Variants in NLN observed in about 807,000 individuals in gnomAD.
The protein encoded by NLN is neurolysin, mitochondrial.
NLN carries 64 observed loss-of-function variants against 79.9 expected under a neutral mutation model. The ratio of observed to expected loss-of-function variants is 0.80; its 90% CI spans 0.65 to 0.99. The LOEUF is 0.99. Among genes scored for constraint, NLN ranks in the 50% least tolerant of loss-of-function variants. The probability of loss-of-function intolerance (pLI) is 0.00; values close to 1 mark genes in which losing one functional copy is unlikely to be tolerated. For missense variants in NLN, 835 were observed against 858.7 expected, an observed-to-expected ratio of 0.97 and a Z score of 0.34; for synonymous variants, 267 against 296.6, an observed-to-expected ratio of 0.90 and a Z score of 1.02.
intron 3 of NLN, among the ~76,000 whole-genome samples, chr5:65,767,480 G>A (rs1472383239): frequency 2.0e-5 from 3 of 152,200 alleles, no homozygotes; most frequent in African/African-American, 7.2e-5. Flanking sequence ...AAGGAGGGGG[G>A]AGCACAAAAC....
intron 12 of NLN, among the ~76,000 whole-genome samples, chr5:65,822,339 A>G (rs1015665023): frequency 6.6e-6 from 1 of 152,204 alleles, no homozygotes; most frequent in Admixed American, 6.5e-5. Context: ...GAATGAGCCC[A>G]TCATAAAAGC....
At chr5:65,785,748 T>G in intron 6 of NLN, 27 bp from the exon 7 acceptor site, 2 of 1,602,718 alleles carry the variant, frequency 1.2e-6, no homozygotes, top group Non-Finnish European at 1.7e-6. Context: ...GATTAGCCTT[T>G]ATTTTGTTGC....
chr5:65,817,735 A>G (rs1579974275), intron 12 of NLN, among the ~76,000 whole-genome samples: 1 of 152,244 alleles, frequency 6.6e-6, no homozygotes, highest in Non-Finnish European at 1.5e-5. Context: ...CTGTAATGCC[A>G]TAAGGAAGGA....
At chr5:65,781,986 C>T (rs1233271314) in intron 6 of NLN, among the ~76,000 whole-genome samples, 2 of 152,200 alleles carry the variant, frequency 1.3e-5, no homozygotes, top group Non-Finnish European at 2.9e-5. Context: ...CCTCCCCCAA[C>T]ACTCCCAGTG....
chr5:65,810,018 A>G lies in NLN; in HGVS notation c.1715-19A>G, dbSNP rs1409139988. The G allele has an allele frequency of 6.2e-7, 1 of 1,611,946 alleles. No homozygotes were observed. The highest frequency in any genetic ancestry group is 8.5e-7 in the Non-Finnish European group (1 of 1,178,932). Reference sequence around the variant, plus strand: ...TTCTGTCTTCTTCAAAACATGCCCAAACATTCTTATGTTATTAGGTCTTCT... The same window carrying G: ...TTCTGTCTTCTTCAAAACATGCCCAGACATTCTTATGTTATTAGGTCTTCT... On this transcript the variant is annotated intron_variant, in intron 10 of 12. Transcript: ENST00000380985.
chr5:65,762,521 C>CA (rs1759359899), intron 2 of NLN, among the ~76,000 whole-genome samples: 1 of 151,856 alleles, frequency 6.6e-6, no homozygotes, highest in Non-Finnish European at 1.5e-5. Flanking sequence ...TGCAGCTCTA[C>CA]AAAAAAATAT....
intron 3 of NLN, among the ~76,000 whole-genome samples, chr5:65,776,495 T>C (rs1212334648): frequency 6.6e-6 from 1 of 152,200 alleles, no homozygotes; most frequent in East Asian, 1.9e-4. Flanking sequence ...GGGTCTGTCA[T>C]GGAGAGAATC....
At chr5:65,761,291 A>T (rs536466211) in intron 2 of NLN, among the ~76,000 whole-genome samples, 53 of 151,184 alleles carry the variant, frequency 3.5e-4, no homozygotes, top group African/African-American at 1.2e-3. Context: ...TTATTTTTTT[A>T]TTATTATTAT....
chr5:65,755,065 C>A (rs34981), intron 1 of NLN, among the ~76,000 whole-genome samples: 4 of 151,864 alleles, frequency 2.6e-5, no homozygotes, highest in Admixed American at 1.3e-4. Context: ...CTGACTACTC[C>A]CATTTTACTG....
In NLN at chr5:65,728,382, A is replaced by C. The variant is rs983864672; in HGVS notation, c.41+5968A>C. 2.6e-5 allele frequency among the ~76,000 whole-genome samples: 4 copies of C among 152,086 alleles called. No homozygotes were observed. The South Asian group carries it at 8.3e-4, about 32-fold the overall frequency. ...CCTTTAGAAATGTCAACTATTCCCAACTTCCTGCAATGAGTAATAGTGCTT... is the reference window on the plus strand; with the variant it reads ...CCTTTAGAAATGTCAACTATTCCCACCTTCCTGCAATGAGTAATAGTGCTT... On this transcript the variant is annotated intron_variant, in intron 1 of 12. Transcript: ENST00000380985.
In NLN at chr5:65,744,696, C is replaced by G. The variant is rs571305539; in HGVS notation, c.42-13871C>G. On this transcript the variant is annotated intron_variant, in intron 1 of 12. Transcript: ENST00000380985. The stretch of plus-strand genomic sequence containing the variant: ...GGTGGATCACCTGAGGTCAGGCGTT[C>G]AAGACCAGCCTGGCCAACATGGTGA... Among the ~76,000 whole-genome samples the G allele has an allele frequency of 4.6e-5, 7 of 152,194 alleles. No homozygotes were observed. The South Asian group carries it at 1.5e-3, about 32-fold the overall frequency.
At chr5:65,728,548 T>G (rs939301172) in intron 1 of NLN, among the ~76,000 whole-genome samples, 19 of 152,202 alleles carry the variant, frequency 1.2e-4, no homozygotes, top group African/African-American at 4.6e-4. Flanking sequence ...TCTAAAAACT[T>G]TCTCCCAAAT....
Position 65,792,496 on chromosome 5 carries a change from T to C in NLN, c.1368T>C (p.Pro456=), listed in dbSNP as rs371580624. ...ATGCGGCCTGCTTCGGTCTCCAGCC[T>C]GGCTGCCTTCTGCCTGATGGAAGCC... ...YNHAACFGLQ[P]GCLLPDGSRM... The change falls in exon 9 of 13, where the codon CCT becomes CCC. Residue 456 remains proline (P), a synonymous_variant. Transcript: ENST00000380985. 3 of 1,614,072 alleles carry C rather than the reference T, an allele frequency of 1.9e-6. No homozygotes were observed. The African/African-American group carries it at 4.0e-5, about 22-fold the overall frequency.
chr5:65,733,929 G>A (rs1758670705), intron 1 of NLN, among the ~76,000 whole-genome samples: 1 of 130,380 alleles, frequency 7.7e-6, no homozygotes, highest in East Asian at 2.1e-4. Flanking sequence ...ACGGAGTCTC[G>A]CTCTGTCACC....
chr5:65,730,730 T>C (rs1758587165), intron 1 of NLN, among the ~76,000 whole-genome samples: 1 of 152,064 alleles, frequency 6.6e-6, no homozygotes, highest in Non-Finnish European at 1.5e-5. Context: ...CTAATTTTTG[T>C]ATTTTTTGTA....
chr5:65,756,479 C>G (rs1759221832), intron 1 of NLN, among the ~76,000 whole-genome samples: 1 of 152,072 alleles, frequency 6.6e-6, no homozygotes, highest in South Asian at 2.1e-4. Flanking sequence ...AATCATGAGC[C>G]CCAATAGCTC....
intron 9 of NLN, among the ~76,000 whole-genome samples, chr5:65,793,984 T>A (rs1377630709): frequency 6.6e-6 from 1 of 152,244 alleles, no homozygotes; most frequent in African/African-American, 2.4e-5. Flanking sequence ...AGAATCTTCT[T>A]AAATCCATAC....
At chr5:65,750,251 A>G (rs745510613) in intron 1 of NLN, among the ~76,000 whole-genome samples, 6 of 152,218 alleles carry the variant, frequency 3.9e-5, no homozygotes, top group Non-Finnish European at 7.3e-5. Flanking sequence ...ACAAGTGGCT[A>G]TTGAATATTT....
chr5:65,738,980 T>TATACA (rs1429675157), intron 1 of NLN, among the ~76,000 whole-genome samples: 1 of 28,300 alleles, frequency 3.5e-5, no homozygotes, highest in African/African-American at 1.3e-4. Flanking sequence ...AATATATATA[T>TATACA]TATATATTTA....
Sources: allele counts gnomAD v4.1 joint callset (sites outside exome capture counted in the v4.1 genomes callset), GRCh38; gene constraint gnomAD v4.1.1; transcripts MANE v1.5; gene names NCBI Gene and HGNC (gene_info 2026-07-23, HGNC 2026-07-21).